Variants in FBRSL1 observed in about 807,000 individuals in gnomAD.
The protein encoded by FBRSL1 is fibrosin-1-like protein.
In FBRSL1, 51 loss-of-function variants were observed where a neutral mutation model predicts 89.6. The observed-to-expected ratio is 0.57, with a 90% confidence interval of 0.45 to 0.72. The LOEUF (loss-of-function observed/expected upper bound fraction) is 0.72. Ranked by LOEUF, FBRSL1 falls within the 30% of genes least tolerant of loss-of-function variation. The pLI is 0.00. For missense variants in FBRSL1, 1,618 were observed against 1,451.8 expected, an observed-to-expected ratio of 1.11 and a Z score of -1.86; for synonymous variants, 779 against 681.1, an observed-to-expected ratio of 1.14 and a Z score of -2.24.
intron 4 of FBRSL1, among the ~76,000 whole-genome samples, 182 bp downstream of exon 4, chr12:132,528,170 CCA>C (rs2035959401): frequency 6.6e-6 from 1 of 152,110 alleles, no homozygotes; most frequent in African/African-American, 2.4e-5. Context: ...TGGACAAGCT[CCA>C]GAGTGAAGAT....
At chr12:132,573,116 C>G (rs1033353065) in intron 11 of FBRSL1, among the ~76,000 whole-genome samples, 1 of 152,196 alleles carries the variant, frequency 6.6e-6, no homozygotes, top group South Asian at 2.1e-4. Flanking sequence ...GAGAGGGAAC[C>G]CCGTGACCCT....
At chr12:132,509,087 C>T (rs2136594620) in intron 2 of FBRSL1, 3 of 1,196,320 alleles carry the variant, frequency 2.5e-6, no homozygotes, top group East Asian at 6.3e-5. Context: ...GGCAGCATGC[C>T]TCCTGGGCCC....
intron 14 of FBRSL1, 117 bp downstream of exon 14, chr12:132,574,681 C>CA: frequency 7.8e-7 from 1 of 1,289,424 alleles, no homozygotes; most frequent in Admixed American, 2.7e-5. Context: ...GTGTGATCCT[C>CA]ACGCGTGAGC....
intron 2 of FBRSL1, chr12:132,511,253 G>A (rs905986188): frequency 1.0e-6 from 1 of 985,340 alleles, no homozygotes; most frequent in Non-Finnish European, 1.2e-6. Flanking sequence ...TTGCCTGCAG[G>A]GTCTCCAGGC....
chr12:132,508,378 C>A, intron 2 of FBRSL1, 28 bp downstream of exon 2: 2 of 1,470,036 alleles, frequency 1.4e-6, no homozygotes, highest in African/African-American at 1.4e-5. Context: ...CGACCGGAAG[C>A]TCTGCGGCGG....
chr12:132,561,889 C>T (rs2039159966), intron 5 of FBRSL1, among the ~76,000 whole-genome samples: 1 of 152,166 alleles, frequency 6.6e-6, no homozygotes, highest in Non-Finnish European at 1.5e-5. Flanking sequence ...GATCCCCATC[C>T]TTGCTGTGTG....
intron 4 of FBRSL1, among the ~76,000 whole-genome samples, chr12:132,535,377 T>C (rs951547695): frequency 2.2e-4 from 33 of 150,252 alleles, no homozygotes; most frequent in Non-Finnish European, 4.5e-4. Flanking sequence ...GAGAGTGGAT[T>C]TGAGATCCAC....
intron 14 of FBRSL1, among the ~76,000 whole-genome samples, chr12:132,575,506 C>T (rs2040327957): frequency 6.6e-6 from 1 of 152,242 alleles, no homozygotes; most frequent in Non-Finnish European, 1.5e-5. Context: ...GGATTACAGG[C>T]GTGAGCCACT....
intron 15 of FBRSL1, among the ~76,000 whole-genome samples, chr12:132,578,368 A>ACACACACAC (rs1566244750): frequency 3.8e-5 from 1 of 26,550 alleles, no homozygotes; most frequent in African/African-American, 1.0e-4. Context: ...CACACACACA[A>ACACACACAC]AATCATAGAG....
intron 12 of FBRSL1, 77 bp downstream of exon 12, chr12:132,574,235 C>T: frequency 6.9e-7 from 1 of 1,447,000 alleles, no homozygotes; most frequent in Admixed American, 2.8e-5. Flanking sequence ...CTGGTGGCCA[C>T]AGCAGACGGG....
At position 132,582,076 on chromosome 12, in the gene FBRSL1, A is replaced by G; in HGVS notation, c.2011A>G (p.Ile671Val). 6.5e-7 allele frequency: 1 copy of G among 1,547,146 alleles called. No individual in the cohort carries two copies. ...GSHALAPGGS[I>V]FAPKEGSSVH... ...TCTGCCCCCAGCTCCCGGTGGCAGC[A>G]TCTTTGCCCCCAAGGAGGGCTCCTC... is the stretch of plus-strand genomic sequence containing the variant. The change falls in exon 18 of 19, where the codon ATC (isoleucine) becomes GTC (valine). Residue 671 changes from isoleucine to valine, a missense_variant. Coordinates refer to ENST00000680143, the MANE Select transcript of FBRSL1 (RefSeq NM_001367871.1).
chr12:132,502,607 C>A (rs2033127859), intron 1 of FBRSL1, among the ~76,000 whole-genome samples: 1 of 152,124 alleles, frequency 6.6e-6, no homozygotes, highest in Non-Finnish European at 1.5e-5. Flanking sequence ...GACGGTTCTC[C>A]AGGCGTGGCT....
chr12:132,582,217 C>T lies in FBRSL1; in HGVS notation c.2152C>T (p.Leu718=), dbSNP rs567655882. 2 of 1,550,240 alleles carry T rather than the reference C, an allele frequency of 1.3e-6. No individual in the cohort carries two copies. The highest frequency in any genetic ancestry group is 1.4e-5 in the African/African-American group (1 of 73,168). ...KSVDAERVSA[L]TNHDREPDNG... is the part of the protein sequence containing the mutation. Reference sequence around the variant, plus strand: ...CGTGGACGCGGAGCGGGTGTCAGCCCTGACCAACCATGACCGAGAGCCGGA... The same window carrying T: ...CGTGGACGCGGAGCGGGTGTCAGCCTTGACCAACCATGACCGAGAGCCGGA... Residue 718 remains leucine (L), a synonymous_variant, in exon 18 of 19, where the codon CTG becomes TTG. Coordinates refer to ENST00000680143, the MANE Select transcript of FBRSL1 (RefSeq NM_001367871.1).
chr12:132,534,359 T>C (rs1311492148), intron 4 of FBRSL1, among the ~76,000 whole-genome samples: 1 of 152,158 alleles, frequency 6.6e-6, no homozygotes, highest in Non-Finnish European at 1.5e-5. Flanking sequence ...CCTCCACCTG[T>C]GGTATTTGAT....
At chr12:132,555,449 G>C (rs10747079) in intron 5 of FBRSL1, among the ~76,000 whole-genome samples, 5,478 of 36,996 alleles carry the variant, frequency 0.15, 608 homozygotes, top group Middle Eastern at 0.24. Context: ...CTGCGCCACC[G>C]GAGCGTGAGC....
chr12:132,492,223 A>G (rs1040049855), intron 1 of FBRSL1, among the ~76,000 whole-genome samples: 1 of 152,102 alleles, frequency 6.6e-6, no homozygotes, highest in Non-Finnish European at 1.5e-5. Flanking sequence ...CGGCTTCCTC[A>G]CTGCTCCGAG....
intron 15 of FBRSL1, among the ~76,000 whole-genome samples, chr12:132,578,367 A>ACACACACACACAC (rs1566244737): frequency 6.6e-6 from 1 of 151,756 alleles, no homozygotes; most frequent in African/African-American, 2.4e-5. Context: ...ACACACACAC[A>ACACACACACACAC]AAATCATAGA....
At position 132,583,805 on chromosome 12, in the gene FBRSL1, G is replaced by C. The variant is rs1393981288; in HGVS notation, c.*27G>C. On this transcript the variant is annotated 3_prime_UTR_variant, in exon 19 of 19. Coordinates refer to ENST00000680143, the MANE Select transcript of FBRSL1 (RefSeq NM_001367871.1). ...CCCGGGGCCGCAGACGCCTCTCCGAGCGGAGCGCACCGCTGTCCGTCTCTC... is the reference window on the plus strand; with the variant it reads ...CCCGGGGCCGCAGACGCCTCTCCGACCGGAGCGCACCGCTGTCCGTCTCTC... The C allele has an allele frequency of 6.0e-6, 7 of 1,175,976 alleles. No individual in the cohort carries two copies. In the Admixed American group the frequency reaches 2.2e-4, roughly 37 times the overall value. The allele number at this position is 1,175,976 out of a possible 1,614,324, so 72.8% of individuals were successfully genotyped here. A position where few individuals can be genotyped will look rare whatever the true frequency, so the allele number is the denominator to read the frequency against.
intron 1 of FBRSL1, 98 bp downstream of exon 1, chr12:132,490,959 C>G: frequency 1.0e-6 from 1 of 980,914 alleles, no homozygotes; most frequent in South Asian, 3.8e-5. Flanking sequence ...TGCGACCGCC[C>G]GCGCCGTGGG....
Sources: allele counts gnomAD v4.1 joint callset (sites outside exome capture counted in the v4.1 genomes callset), GRCh38; gene constraint gnomAD v4.1.1; transcripts MANE v1.5; gene names NCBI Gene and HGNC (gene_info 2026-07-23, HGNC 2026-07-21).